TCN2: variants seen among roughly 807,000 people sequenced by gnomAD.
TCN2 encodes transcobalamin 2.
Under a neutral mutation model 48.6 loss-of-function variants are expected in TCN2, and 34 were observed. The ratio of observed to expected loss-of-function variants is 0.70; its 90% CI spans 0.53 to 0.93. The LOEUF is 0.93. Ranked by LOEUF, TCN2 falls within the 40% of genes least tolerant of loss-of-function variation. The pLI is 0.00. For synonymous variants in TCN2, 283 were observed against 212.5 expected, an observed-to-expected ratio of 1.33 and a Z score of -2.89; for missense variants, 652 against 526.1, an observed-to-expected ratio of 1.24 and a Z score of -2.34.
intron 1 of TCN2, among the ~76,000 whole-genome samples, chr22:30,608,225 G>GTC (rs2145531142): frequency 6.6e-6 from 1 of 152,302 alleles, no homozygotes; most frequent in East Asian, 1.9e-4. Flanking sequence ...CACCCCCATG[G>GTC]TCTCTTGAGA....
Position 30,626,714 on chromosome 22 carries a change from C to T in TCN2, c.*193C>T. 2 of 659,724 alleles carry T rather than the reference C, an allele frequency of 3.0e-6. No homozygotes were observed. Among genetic ancestry groups the T allele is most frequent in the Non-Finnish European group, 5.4e-6 (2 of 372,216 alleles). The allele number at this position is 659,724 out of a possible 1,614,324, so 40.9% of individuals were successfully genotyped here. Reference sequence around the variant, plus strand: ...CATGGCCCACCTTGGAGCAGAGAGCCAAGCATCTTCCCTGGGAAGTCTTTC... The same window carrying T: ...CATGGCCCACCTTGGAGCAGAGAGCTAAGCATCTTCCCTGGGAAGTCTTTC... On this transcript the variant is annotated 3_prime_UTR_variant, in exon 9 of 9. Transcript: ENST00000215838.
At position 30,608,156 on chromosome 22, in the gene TCN2, G is replaced by T. The variant is rs947937394; in HGVS notation, c.64+761G>T. On this transcript the variant is annotated intron_variant, in intron 1 of 8. Transcript: ENST00000215838. ...AGAAGGCAGGCTTTGGGAACTTTGG[G>T]CCGCCCACGCGCCTTTTCTCCTCCT... Among the ~76,000 whole-genome samples, 9 of 152,252 alleles carry T rather than the reference G, an allele frequency of 5.9e-5. No individual in the cohort carries two copies. The South Asian group carries it at 1.9e-3, about 32-fold the overall frequency.
At chr22:30,616,875 T>TG (rs1286410275) in intron 6 of TCN2, among the ~76,000 whole-genome samples, 1 of 152,066 alleles carries the variant, frequency 6.6e-6, no homozygotes, top group Non-Finnish European at 1.5e-5. Context: ...GCACAGAGTT[T>TG]GGGGGAATTT....
Position 30,612,956 on chromosome 22 carries a change from CCAACTGT to C in TCN2, c.342_348del (p.Asn115SerfsTer90). The C allele has an allele frequency of 6.2e-7, 1 of 1,614,204 alleles. No homozygotes were observed. The highest frequency in any genetic ancestry group is 2.2e-5 in the East Asian group (1 of 44,884). On this transcript the variant is annotated frameshift_variant, in exon 3 of 9. Coordinates refer to ENST00000215838, the MANE Select transcript of TCN2 (RefSeq NM_000355.4). LOFTEE classifies it high-confidence loss of function. ...GCCCTCTACCTGCTCGCTCTCAGAGCCAACTGTGAGTTTGTCAGGGGCCACAAGGGGG... is the reference window on the plus strand; with the variant it reads ...GCCCTCTACCTGCTCGCTCTCAGAGCGAGTTTGTCAGGGGCCACAAGGGGG...
intron 8 of TCN2, chr22:30,623,294 T>C: frequency 4.6e-6 from 2 of 432,566 alleles, no homozygotes; most frequent in South Asian, 4.0e-5. Flanking sequence ...CCAGACAGAT[T>C]ACAAAAAAAA....
At chr22:30,611,815 G>A (rs762916652) in intron 2 of TCN2, among the ~76,000 whole-genome samples, 20 of 152,212 alleles carry the variant, frequency 1.3e-4, no homozygotes, top group Non-Finnish European at 2.9e-4. Flanking sequence ...TCCAAAAGCA[G>A]CATCTTTGTG....
chr22:30,614,517 C>A lies in TCN2; in HGVS notation c.580+16C>A, dbSNP rs200683293. On this transcript the variant is annotated intron_variant, in intron 4 of 8. Coordinates refer to ENST00000215838, the MANE Select transcript of TCN2 (RefSeq NM_000355.4). ...CATTCTGTGGGTGAGTAGGTCAGAC[C>A]GTGCCAAGGCCAGGCTGGCACTCCC... is the stretch of plus-strand genomic sequence containing the variant. 2 of 1,613,894 alleles carry A rather than the reference C, an allele frequency of 1.2e-6. No individual in the cohort carries two copies. Among genetic ancestry groups the A allele is most frequent in the Non-Finnish European group, 1.7e-6 (2 of 1,179,988 alleles).
At chr22:30,617,527 C>T in intron 7 of TCN2, 32 bp downstream of exon 7, 2 of 1,613,796 alleles carry the variant, frequency 1.2e-6, no homozygotes, top group Non-Finnish European at 1.7e-6. Context: ...CCTCACCCCA[C>T]CCAACCTCAC....
At chr22:30,616,161 G>A (rs779657739) in intron 6 of TCN2, among the ~76,000 whole-genome samples, 1 of 152,160 alleles carries the variant, frequency 6.6e-6, no homozygotes, top group African/African-American at 2.4e-5. Flanking sequence ...GAGAGGGTCT[G>A]AGGACGTGAC....
chr22:30,618,651 A>G (rs1195432329), intron 7 of TCN2, among the ~76,000 whole-genome samples: 1 of 148,320 alleles, frequency 6.7e-6, no homozygotes, highest in South Asian at 2.1e-4. Context: ...GTGCCCGGCC[A>G]TGTATTTATT....
In TCN2 at chr22:30,617,333, T is replaced by G; in HGVS notation, c.944T>G (p.Met315Arg). The change falls in exon 7 of 9, where the codon ATG becomes AGG. Residue 315 changes from methionine (M) to arginine (R), a missense_variant. Met to Arg is a moderately conservative substitution (Grantham distance 91). Coordinates refer to ENST00000215838, the MANE Select transcript of TCN2 (RefSeq NM_000355.4). ...CGCCCCTTTCTTCCTGGCACAGTCA[T>G]GTTGGAACCAGCTGCTGAGACCATT... is the stretch of plus-strand genomic sequence containing the variant. Reference protein sequence around the residue: ...IFPDCLAPRVMLEPAAETIPQ... With the variant: ...IFPDCLAPRVRLEPAAETIPQ... 6.2e-7 allele frequency: 1 copy of G among 1,614,148 alleles called. No individual in the cohort carries two copies. The highest frequency in any genetic ancestry group is 8.5e-7 in the Non-Finnish European group (1 of 1,180,032).
rs1387338328 is a variant in TCN2 at position 30,607,264 on chromosome 22, G to T, written c.-68G>T. Reference sequence around the variant, plus strand: ...GCGGTGACCAGCTGTGGTCAGGAGAGCCTCAGCAGGGCCAGCCCCAGGAGT... The same window carrying T: ...GCGGTGACCAGCTGTGGTCAGGAGATCCTCAGCAGGGCCAGCCCCAGGAGT... On this transcript the variant is annotated 5_prime_UTR_variant, in exon 1 of 9. Transcript: ENST00000215838. The T allele has an allele frequency of 1.3e-6, 2 of 1,561,352 alleles. No homozygotes were observed. Among genetic ancestry groups the T allele is most frequent in the East Asian group, 2.2e-5 (1 of 44,608 alleles).
At chr22:30,617,809 A>G in intron 7 of TCN2, 1 of 428,998 alleles carries the variant, frequency 2.3e-6, no homozygotes, top group Admixed American at 3.5e-5. Flanking sequence ...CTGCAGGGCC[A>G]GTGTGAAGAG....
rs1272439826 is a variant in TCN2 at position 30,626,504 on chromosome 22, AG to A, written c.1269del (p.Arg423SerfsTer8). 1.2e-6 allele frequency: 2 copies of A among 1,613,990 alleles called. No homozygotes were observed. Among genetic ancestry groups the A allele is most frequent in the Non-Finnish European group, 1.7e-6 (2 of 1,180,032 alleles). On this transcript the variant is annotated frameshift_variant, in exon 9 of 9. Coordinates refer to ENST00000215838, the MANE Select transcript of TCN2 (RefSeq NM_000355.4). LOFTEE classifies it high-confidence loss of function. Reference sequence around the variant, plus strand: ...CAAGGATGGAGAAACCATTGAGCTGAGGCTGGTTAGCTGGTAGCCCCTGAGC... The same window carrying A: ...CAAGGATGGAGAAACCATTGAGCTGAGCTGGTTAGCTGGTAGCCCCTGAGC... ...RPKDGETIEL[R>X]LVSW
intron 4 of TCN2, 66 bp downstream of exon 4, chr22:30,614,567 A>G: frequency 6.2e-7 from 1 of 1,602,676 alleles, no homozygotes; most frequent in Non-Finnish European, 8.5e-7. Context: ...TGCACTGATG[A>G]CCTCCATACC....
chr22:30,614,651 T>C, intron 4 of TCN2, 150 bp downstream of exon 4: 1 of 1,188,680 alleles, frequency 8.4e-7, no homozygotes, highest in Non-Finnish European at 1.2e-6. Context: ...CGAGGGCTCA[T>C]GGGTGATGCT....
In TCN2 at chr22:30,614,459, C is replaced by A. The variant is rs1247398599; in HGVS notation, c.538C>A (p.Leu180Met). The change falls in exon 4 of 9, where the codon CTG becomes ATG. Residue 180 changes from leucine to methionine, a missense_variant. Transcript: ENST00000215838. ...RVHDSVVDKL[L>M]YAVEPFHQGH... ...CCATGACAGCGTGGTGGACAAACTTCTGTATGCTGTGGAACCTTTCCACCA... is the reference window on the plus strand; with the variant it reads ...CCATGACAGCGTGGTGGACAAACTTATGTATGCTGTGGAACCTTTCCACCA... 6.2e-7 allele frequency: 1 copy of A among 1,614,094 alleles called. No individual in the cohort carries two copies. The highest frequency in any genetic ancestry group is 1.3e-5 in the African/African-American group (1 of 74,936).
Position 30,626,576 on chromosome 22 carries a change from C to G in TCN2, c.*55C>G. ...GCACACTCCCTAGGCTTCTACCCTCCCTCCTGATGTCCCTGGAACAGGAAC... is the reference window on the plus strand; with the variant it reads ...GCACACTCCCTAGGCTTCTACCCTCGCTCCTGATGTCCCTGGAACAGGAAC... On this transcript the variant is annotated 3_prime_UTR_variant, in exon 9 of 9. Coordinates refer to ENST00000215838, the MANE Select transcript of TCN2 (RefSeq NM_000355.4). The G allele has an allele frequency of 6.3e-7, 1 of 1,594,632 alleles. No individual in the cohort carries two copies. The highest frequency in any genetic ancestry group is 8.6e-7 in the Non-Finnish European group (1 of 1,164,038).
intron 8 of TCN2, among the ~76,000 whole-genome samples, 167 bp from the exon 9 acceptor site, chr22:30,626,293 G>C (rs2087808641): frequency 6.6e-6 from 1 of 152,118 alleles, no homozygotes; most frequent in Admixed American, 6.6e-5. Flanking sequence ...GTGGGAAGCT[G>C]AGTTCAGAGT....
Sources: gnomAD v4.1 joint callset for allele counts (sites outside exome capture counted in the v4.1 genomes callset) on GRCh38, gnomAD v4.1.1 for gene constraint, MANE v1.5 for transcripts, NCBI Gene and HGNC (gene_info 2026-07-23, HGNC 2026-07-21) for gene names.